Variants in DOCK9 observed in about 807,000 individuals in gnomAD.
DOCK9 encodes the protein dedicator of cytokinesis 9, also known as dedicator of cytokinesis protein 9.
Under a neutral mutation model 263.3 loss-of-function variants are expected in DOCK9, and 89 were observed. The ratio of observed to expected loss-of-function variants is 0.34; its 90% CI spans 0.28 to 0.40. The LOEUF is 0.40. DOCK9 is among the 10% of genes least tolerant of loss of function. The probability of loss-of-function intolerance (pLI) is 1.00; values close to 1 mark genes in which losing one functional copy is unlikely to be tolerated. For synonymous variants in DOCK9, 976 were observed against 973.1 expected (o/e 1.00, Z -0.06); for missense variants, 2,140 against 2,603.4 (o/e 0.82, Z 3.87).
chr13:99,050,454 G>A (rs1274696144), intron 1 of DOCK9, among the ~76,000 whole-genome samples: 2 of 152,182 alleles, frequency 1.3e-5, no homozygotes, highest in Non-Finnish European at 2.9e-5. Context: ...CAGCACTTTG[G>A]GAGGCTGAGG....
chr13:98,893,914 CCT>C (rs1268092509), intron 15 of DOCK9, among the ~76,000 whole-genome samples: 1 of 152,158 alleles, frequency 6.6e-6, no homozygotes, highest in East Asian at 1.9e-4. Flanking sequence ...CCATCGGATC[CCT>C]GTTTTCAGGT....
At chr13:99,038,288 CTTTTTTTTTTTTTTTTTTTTTTT>C (rs71419743) in intron 1 of DOCK9, among the ~76,000 whole-genome samples, 1 of 86,264 alleles carries the variant, frequency 1.2e-5, no homozygotes, top group South Asian at 4.0e-4. Flanking sequence ...TTATGCCCCC[CTTTTTTTTTTTTTTTTTTTTTTT>C]TTTTTTTTTG....
intron 27 of DOCK9, among the ~76,000 whole-genome samples, chr13:98,875,498 G>A (rs2043685101): frequency 6.6e-6 from 1 of 152,184 alleles, no homozygotes; most frequent in South Asian, 2.1e-4. Context: ...CCTATGCTAG[G>A]TTTTCCAACC....
intron 38 of DOCK9, among the ~76,000 whole-genome samples, chr13:98,841,189 C>T (rs1160716441): frequency 6.6e-6 from 1 of 152,180 alleles, no homozygotes; most frequent in East Asian, 1.9e-4. Flanking sequence ...CAAATATGCT[C>T]AGAATGCCTT....
upstream of DOCK9, among the ~76,000 whole-genome samples, chr13:98,978,251 C>T (rs1331359983): frequency 2.0e-5 from 3 of 152,232 alleles, no homozygotes; most frequent in Non-Finnish European, 2.9e-5. Context: ...CCAAATCAAT[C>T]GGAATCAAAA....
upstream of DOCK9, among the ~76,000 whole-genome samples, chr13:98,981,618 G>A (rs1299225177): frequency 3.9e-5 from 6 of 152,206 alleles, no homozygotes; most frequent in Non-Finnish European, 7.3e-5. Flanking sequence ...AGGGCGTGGA[G>A]GAGAGAAGAA....
At chr13:98,900,984 C>CA (rs1406742768) in intron 13 of DOCK9, among the ~76,000 whole-genome samples, 1 of 152,102 alleles carries the variant, frequency 6.6e-6, no homozygotes, top group Non-Finnish European at 1.5e-5. Flanking sequence ...GATGACCACA[C>CA]AATTTTTTTT....
At chr13:98,996,279 C>T (rs1276745345) in intron 1 of DOCK9, among the ~76,000 whole-genome samples, 1 of 152,176 alleles carries the variant, frequency 6.6e-6, no homozygotes, top group Non-Finnish European at 1.5e-5. Context: ...ACAACCCATC[C>T]TTCTCACTCA....
chr13:98,813,985 A>T (rs1168956994), intron 45 of DOCK9, among the ~76,000 whole-genome samples: 1 of 152,192 alleles, frequency 6.6e-6, no homozygotes, highest in Non-Finnish European at 1.5e-5. Flanking sequence ...TTGCTTTTGA[A>T]AATGTTTATA....
chr13:98,976,387 T>A (rs1227366529), intron 1 of DOCK9, among the ~76,000 whole-genome samples: 2 of 117,078 alleles, frequency 1.7e-5, no homozygotes, highest in Non-Finnish European at 3.7e-5. Context: ...AAGTCACTTG[T>A]GTGCTTAAAA....
rs905394454 is a variant in DOCK9 at position 98,794,257 on chromosome 13, CAGGCATCA to C, written c.*361_*368del. ...CTCAGCCTCGAGGCAAAAGGTCCCC[CAGGCATCA>C]ATGTCAGTGCAGCCCTCCCTGCCAT... On this transcript the variant is annotated 3_prime_UTR_variant, in exon 53 of 53. Coordinates refer to ENST00000682017, the MANE Select transcript of DOCK9 (RefSeq NM_001366683.2). The C allele has an allele frequency of 1.5e-5, 3 of 202,520 alleles. No homozygotes were observed. Among genetic ancestry groups the C allele is most frequent in the African/African-American group, 6.9e-5 (3 of 43,522 alleles). 12.5% of individuals were successfully genotyped at this position (202,520 alleles called of 1,614,324 possible). A position where few individuals can be genotyped will look rare whatever the true frequency, so the allele number is the denominator to read the frequency against.
At chr13:99,071,252 C>T (rs909696049) in intron 1 of DOCK9, among the ~76,000 whole-genome samples, 34 of 150,452 alleles carry the variant, frequency 2.3e-4, no homozygotes, top group African/African-American at 7.6e-4. Flanking sequence ...AAGCCATCCT[C>T]CCACTTCAGC....
In DOCK9 at chr13:98,977,989, A is replaced by C; in HGVS notation, c.-80T>G. On this transcript the variant is annotated 5_prime_UTR_variant, in exon 1 of 53. Coordinates refer to ENST00000682017, the MANE Select transcript of DOCK9 (RefSeq NM_001366683.2). ...TGGCCGTGCAAGGCACAGGCATGCC[A>C]GTGGTCCAAGGAAGGAAAGGAAACT... is the stretch of plus-strand genomic sequence containing the variant. 4.7e-6 allele frequency: 7 copies of C among 1,491,978 alleles called. No individual in the cohort carries two copies. Among genetic ancestry groups the C allele is most frequent in the Non-Finnish European group, 5.4e-6 (6 of 1,120,272 alleles). The allele number at this position is 1,491,978 out of a possible 1,614,324, so 92.4% of individuals were successfully genotyped here.
upstream of DOCK9, among the ~76,000 whole-genome samples, chr13:98,981,073 T>C (rs77954996): frequency 1.4e-4 from 21 of 152,028 alleles, 1 homozygote; most frequent in East Asian, 3.9e-3. Flanking sequence ...TTTTTTTTTT[T>C]CAAGGCAGGG....
Position 98,882,134 on chromosome 13 carries a change from G to A in DOCK9, c.2560-127C>T, listed in dbSNP as rs570599589. ...AACAAAGGGAAGGCTGTGGTGGGCA[G>A]AATGTCCCCAGAGGCGTCTGTGTCT... On this transcript the variant is annotated intron_variant, in intron 23 of 52. Transcript: ENST00000682017. 4 of 771,056 alleles carry A rather than the reference G, an allele frequency of 5.2e-6. No homozygotes were observed. In the African/African-American group the frequency reaches 6.9e-5, roughly 13 times the overall value. The allele number at this position is 771,056 out of a possible 1,614,324, so 47.8% of individuals were successfully genotyped here.
intron 1 of DOCK9, among the ~76,000 whole-genome samples, chr13:99,050,420 C>T (rs139016630): frequency 2.0e-5 from 3 of 152,270 alleles, no homozygotes; most frequent in East Asian, 3.9e-4. Context: ...CATGACCGGG[C>T]GCAGTGGCTC....
upstream of DOCK9, among the ~76,000 whole-genome samples, chr13:98,978,983 G>C (rs924494518): frequency 6.6e-6 from 1 of 152,072 alleles, no homozygotes; most frequent in Admixed American, 6.6e-5. Context: ...GGTATTAAGG[G>C]ATTTGTCTAA....
At chr13:98,924,318 C>T (rs886344809) in intron 4 of DOCK9, among the ~76,000 whole-genome samples, 2 of 152,180 alleles carry the variant, frequency 1.3e-5, no homozygotes, top group African/African-American at 4.8e-5. Flanking sequence ...GAAAAACAAA[C>T]AGCTAGGTCT....
At chr13:98,888,571 C>G in intron 16 of DOCK9, 24 bp from the exon 17 acceptor site, 1 of 1,612,176 alleles carries the variant, frequency 6.2e-7, no homozygotes, top group Non-Finnish European at 8.5e-7. Context: ...CAAAATAACT[C>G]AAACTGAAGT....
Sources: gnomAD v4.1 joint callset for allele counts (sites outside exome capture counted in the v4.1 genomes callset) on GRCh38, gnomAD v4.1.1 for gene constraint, MANE v1.5 for transcripts, NCBI Gene and HGNC (gene_info 2026-07-23, HGNC 2026-07-21) for gene names.